Variants in SSH2 observed in about 807,000 individuals in gnomAD.
SSH2 encodes protein phosphatase Slingshot homolog 2.
Under a neutral mutation model 135.2 loss-of-function variants are expected in SSH2, and 37 were observed. The observed-to-expected ratio is 0.27, with a 90% CI of 0.21 to 0.36. The LOEUF is 0.36. SSH2 is among the 10% of genes least tolerant of loss of function. SSH2 has a pLI of 1.00. For missense variants in SSH2, 1,408 were observed against 1,765.3 expected, an observed-to-expected ratio of 0.80 and a Z score of 3.63; for synonymous variants, 628 against 646.2, an observed-to-expected ratio of 0.97 and a Z score of 0.43.
At chr17:29,768,355 C>T (rs1347100064) in intron 3 of SSH2, among the ~76,000 whole-genome samples, 3 of 146,558 alleles carry the variant, frequency 2.0e-5, no homozygotes, top group African/African-American at 7.6e-5. Context: ...TGCAGTGGCA[C>T]AATCACAGCT....
At chr17:29,734,206 C>T (rs2040293714) in intron 3 of SSH2, among the ~76,000 whole-genome samples, 1 of 152,118 alleles carries the variant, frequency 6.6e-6, no homozygotes, top group Non-Finnish European at 1.5e-5. Flanking sequence ...TAGGCATGAG[C>T]CACCGCATCT....
chr17:29,742,360 T>C (rs2040588910), intron 3 of SSH2, among the ~76,000 whole-genome samples: 3 of 141,684 alleles, frequency 2.1e-5, no homozygotes, highest in Admixed American at 7.1e-5. Context: ...GCTCTGTCAC[T>C]CAGGCTGGAG....
intron 12 of SSH2, 98 bp downstream of exon 12, chr17:29,655,463 G>A: frequency 8.9e-7 from 1 of 1,125,452 alleles, no homozygotes; most frequent in Non-Finnish European, 1.4e-6. Flanking sequence ...CAACTCTTAA[G>A]ATTAAAGTTA....
chr17:29,745,164 CT>C (rs201394327), intron 3 of SSH2, among the ~76,000 whole-genome samples: 247 of 144,308 alleles, frequency 1.7e-3, no homozygotes, highest in Admixed American at 1.5e-3. Context: ...TTTCGTTTTT[CT>C]TTTTTTTTTT....
chr17:29,804,241 C>T (rs1005694576), intron 2 of SSH2, among the ~76,000 whole-genome samples: 2 of 152,122 alleles, frequency 1.3e-5, no homozygotes, highest in Non-Finnish European at 2.9e-5. Context: ...CTTAAATAAA[C>T]AAACTTTCTT....
intron 1 of SSH2, among the ~76,000 whole-genome samples, chr17:29,888,466 G>A (rs1233887351): frequency 6.6e-6 from 1 of 152,204 alleles, no homozygotes; most frequent in African/African-American, 2.4e-5. Flanking sequence ...TTTTATGTAT[G>A]AGACTTAGTG....
intron 1 of SSH2, among the ~76,000 whole-genome samples, chr17:29,923,117 G>A (rs1427484971): frequency 6.6e-6 from 1 of 152,100 alleles, no homozygotes; most frequent in Non-Finnish European, 1.5e-5. Context: ...TCACCATGTT[G>A]GCCAGGCTGG....
chr17:29,808,289 T>C (rs1018720500), intron 2 of SSH2, among the ~76,000 whole-genome samples: 2 of 152,114 alleles, frequency 1.3e-5, no homozygotes, highest in African/African-American at 4.8e-5. Context: ...CCATCACGCC[T>C]GGCTAATTTT....
chr17:29,715,805 C>T (rs1305604035), intron 3 of SSH2, among the ~76,000 whole-genome samples: 3 of 152,178 alleles, frequency 2.0e-5, no homozygotes, highest in African/African-American at 4.8e-5. Context: ...CTGGATGCCA[C>T]AGCACATTCA....
At position 29,627,713 on chromosome 17, in the gene SSH2, A is replaced by G. The variant is rs929701045; in HGVS notation, c.*3128T>C. 5.2e-5 allele frequency: 8 copies of G among 152,654 alleles called. No individual in the cohort carries two copies. The highest frequency in any genetic ancestry group is 3.3e-4 in the Admixed American group (5 of 15,282). The allele number at this position is 152,654 out of a possible 1,614,324, so 9.5% of individuals were successfully genotyped here. A position where few individuals can be genotyped will look rare whatever the true frequency, so the allele number is the denominator to read the frequency against. ...GAATATTACGGTACTATAGTACTAC[A>G]TGTCTACTACAGTATCCATTAGTCC... On this transcript the variant is annotated 3_prime_UTR_variant, in exon 16 of 16. Transcript: ENST00000540801.
intron 1 of SSH2, among the ~76,000 whole-genome samples, chr17:29,915,497 T>C (rs976292407): frequency 6.6e-6 from 1 of 152,212 alleles, no homozygotes; most frequent in Non-Finnish European, 1.5e-5. Context: ...TGATTTATAG[T>C]CTCAATCACT....
intron 3 of SSH2, among the ~76,000 whole-genome samples, chr17:29,751,630 T>C (rs997608856): frequency 6.6e-6 from 1 of 152,158 alleles, no homozygotes; most frequent in South Asian, 2.1e-4. Flanking sequence ...TGCTACGACA[T>C]TATGACAGCT....
intron 3 of SSH2, among the ~76,000 whole-genome samples, chr17:29,722,138 G>A (rs1203001129): frequency 6.6e-6 from 1 of 152,040 alleles, no homozygotes; most frequent in Non-Finnish European, 1.5e-5. Context: ...AGCTGGGCAT[G>A]GTGGCCGGCA....
chr17:29,703,754 T>C (rs772167953), intron 3 of SSH2, among the ~76,000 whole-genome samples: 8 of 151,972 alleles, frequency 5.3e-5, no homozygotes, highest in Non-Finnish European at 1.0e-4. Flanking sequence ...AATTTTTGTA[T>C]TTTTAATAGA....
At position 29,631,375 on chromosome 17, in the gene SSH2, T is replaced by C. The variant is rs1465286577; in HGVS notation, c.3819A>G (p.Ala1273=). 1.9e-6 allele frequency: 3 copies of C among 1,614,032 alleles called. No homozygotes were observed. The highest frequency in any genetic ancestry group is 1.3e-5 in the African/African-American group (1 of 74,906). The change falls in exon 16 of 16, where the codon GCA becomes GCG. Residue 1273 remains alanine, a synonymous_variant. Coordinates refer to ENST00000540801, the MANE Select transcript of SSH2 (RefSeq NM_001282129.2). ...KEIESRVVFQ[A]GLTKPSQMRR... ...TCATTTGGGATGGTTTGGTGAGCCC[T>C]GCCTGGAAAACCACTCGAGACTCGA...
At chr17:29,795,891 G>A (rs1185793055) in intron 2 of SSH2, among the ~76,000 whole-genome samples, 10 of 152,048 alleles carry the variant, frequency 6.6e-5, no homozygotes, top group Admixed American at 1.3e-4. Context: ...ACAGGTGCCC[G>A]CCACCATGCC....
At chr17:29,773,938 G>T (rs532299466) in intron 3 of SSH2, among the ~76,000 whole-genome samples, 1 of 152,312 alleles carries the variant, frequency 6.6e-6, no homozygotes, top group Non-Finnish European at 1.5e-5. Context: ...CCAAAGTGTT[G>T]GGATTACAGG....
At chr17:29,761,937 A>G (rs1272484256) in intron 3 of SSH2, among the ~76,000 whole-genome samples, 4 of 149,952 alleles carry the variant, frequency 2.7e-5, no homozygotes, top group Non-Finnish European at 5.9e-5. Flanking sequence ...CTGGAATGCA[A>G]TGGTGCGATC....
intron 1 of SSH2, among the ~76,000 whole-genome samples, chr17:29,929,656 T>C (rs954347158): frequency 2.0e-5 from 3 of 151,832 alleles, no homozygotes; most frequent in Non-Finnish European, 2.9e-5. Context: ...AATGACTCAT[T>C]ACCAAAAGGA....
Sources: allele counts gnomAD v4.1 joint callset (sites outside exome capture counted in the v4.1 genomes callset), GRCh38; gene constraint gnomAD v4.1.1; transcripts MANE v1.5; gene names NCBI Gene and HGNC (gene_info 2026-07-23, HGNC 2026-07-21).